Variants in NCOA3 observed in about 807,000 individuals in gnomAD.
NCOA3 encodes the protein nuclear receptor coactivator 3, also known as CBP-interacting protein.
In NCOA3, 51 loss-of-function variants were observed where a neutral mutation model predicts 158.8. That is an observed-to-expected ratio of 0.32 (90% CI 0.26 to 0.41). The LOEUF is 0.41. NCOA3 is among the 10% of genes least tolerant of loss of function. The pLI is 1.00. For synonymous variants in NCOA3, 537 were observed against 592.4 expected (o/e 0.91, Z 1.36); for missense variants, 1,510 against 1,746.6 (o/e 0.86, Z 2.41).
chr20:47,634,242 C>A (rs2086472326), intron 10 of NCOA3, 47 bp downstream of exon 10: 2 of 1,539,706 alleles, frequency 1.3e-6, no homozygotes, highest in Non-Finnish European at 8.8e-7. Context: ...CAGCAGTGTT[C>A]TCAAAATGCT....
Position 47,651,071 on chromosome 20 carries a change from G to GCAGCAGCAGCAACAGCAGCAA in NCOA3, c.3752_3753insACAGCAGCAACAGCAGCAGCA (p.Gln1270_Gln1276dup), listed in dbSNP as rs758398256. ...GACAACAGAGGGTGGCTATGATGAT[G>GCAGCAGCAGCAACAGCAGCAA]CAGCAGCAGCAGCAGCAGCAACAGC... On this transcript the variant is annotated inframe_insertion, in exon 20 of 23. Coordinates refer to ENST00000371998, the MANE Select transcript of NCOA3 (RefSeq NM_181659.3). 7.2e-6 allele frequency: 9 copies of GCAGCAGCAGCAACAGCAGCAA among 1,253,544 alleles called. No homozygotes were observed. In the South Asian group the frequency reaches 8.0e-5, roughly 11 times the overall value. 77.7% of individuals were successfully genotyped at this position (1,253,544 alleles called of 1,614,324 possible). A position where few individuals can be genotyped will look rare whatever the true frequency, so the allele number is the denominator to read the frequency against.
chr20:47,502,618 T>C (rs2146033363), intron 1 of NCOA3, among the ~76,000 whole-genome samples: 1 of 152,206 alleles, frequency 6.6e-6, no homozygotes, highest in Non-Finnish European at 1.5e-5. Flanking sequence ...AAAAAGGCGT[T>C]TTACTACCTC....
intron 3 of NCOA3, among the ~76,000 whole-genome samples, chr20:47,623,603 C>T (rs532540035): frequency 6.6e-6 from 1 of 152,002 alleles, no homozygotes; most frequent in East Asian, 1.9e-4. Flanking sequence ...GCCTGACCAA[C>T]ATGGTGAAAC....
intron 1 of NCOA3, among the ~76,000 whole-genome samples, chr20:47,553,967 TCG>T (rs745511266): frequency 1.3e-5 from 2 of 152,220 alleles, no homozygotes; most frequent in Non-Finnish European, 2.9e-5. Context: ...CCCTGAGGAA[TCG>T]CCACACCGAC....
At chr20:47,631,153 A>G (rs1449477381) in intron 8 of NCOA3, 4 of 152,252 alleles carry the variant, frequency 2.6e-5, no homozygotes, top group Admixed American at 6.5e-5. Context: ...AAGACCAGCC[A>G]TGGAAGCTGG....
chr20:47,638,133 TA>T (rs2086546518), intron 13 of NCOA3, among the ~76,000 whole-genome samples: 1 of 152,220 alleles, frequency 6.6e-6, no homozygotes, highest in African/African-American at 2.4e-5. Context: ...GACTCTAGAT[TA>T]AAACCTGTCC....
At chr20:47,510,158 A>C (rs6125035) in intron 1 of NCOA3, among the ~76,000 whole-genome samples, 128,491 of 151,988 alleles carry the variant, frequency 0.85, 55,351 homozygotes, top group Non-Finnish European at 0.91. Flanking sequence ...CATGGCCAGG[A>C]GTGGTGGTTC....
At chr20:47,564,183 T>C (rs950621437) in intron 1 of NCOA3, among the ~76,000 whole-genome samples, 1 of 151,830 alleles carries the variant, frequency 6.6e-6, no homozygotes, top group African/African-American at 2.4e-5. Flanking sequence ...TGCACCTTTC[T>C]CCGTTTTTTT....
chr20:47,626,852 C>A, intron 5 of NCOA3, 150 bp from the exon 6 acceptor site: 1 of 608,380 alleles, frequency 1.6e-6, no homozygotes, highest in Non-Finnish European at 2.7e-6. Flanking sequence ...AGGGTCCCCA[C>A]CGTTATGACC....
At chr20:47,525,453 C>T (rs2084414730) in intron 1 of NCOA3, among the ~76,000 whole-genome samples, 1 of 151,118 alleles carries the variant, frequency 6.6e-6, no homozygotes, top group Non-Finnish European at 1.5e-5. Flanking sequence ...GTTGGGTACA[C>T]CTCCCAGACG....
intron 1 of NCOA3, among the ~76,000 whole-genome samples, chr20:47,512,708 A>G (rs911132845): frequency 1.3e-5 from 2 of 152,220 alleles, no homozygotes; most frequent in Non-Finnish European, 2.9e-5. Flanking sequence ...AGATACCACT[A>G]TACACTCACT....
In NCOA3 at chr20:47,636,443, A is replaced by C; in HGVS notation, c.2057A>C (p.His686Pro). 6.2e-7 allele frequency: 1 copy of C among 1,614,188 alleles called. No homozygotes were observed. The highest frequency in any genetic ancestry group is 8.5e-7 in the Non-Finnish European group (1 of 1,180,032). ...SLLQEKHRIL[H>P]KLLQNGNSPA... ...TTACAAGAGAAGCACCGGATTTTGC[A>C]CAAGTTGCTGCAGAATGGGAATTCA... The change falls in exon 12 of 23, where the codon CAC (histidine) becomes CCC (proline). Residue 686 changes from histidine to proline, a missense_variant. His to Pro is a moderately conservative substitution (Grantham distance 77). Around this residue, in one of 4 missense-constraint regions of NCOA3, gnomAD observed 1,017 missense variants for 1,098.3 expected, o/e 0.93. Coordinates refer to ENST00000371998, the MANE Select transcript of NCOA3 (RefSeq NM_181659.3).
intron 22 of NCOA3, 36 bp from the exon 23 acceptor site, chr20:47,653,365 CTCATT>C (rs2086827533): frequency 2.1e-6 from 3 of 1,404,194 alleles, no homozygotes; most frequent in Non-Finnish European, 3.0e-6. Flanking sequence ...ATGTGTTTTA[CTCATT>C]TTTTTTTTTT....
At chr20:47,563,561 A>G (rs765734105) in intron 1 of NCOA3, among the ~76,000 whole-genome samples, 2 of 152,134 alleles carry the variant, frequency 1.3e-5, no homozygotes, top group Non-Finnish European at 1.5e-5. Flanking sequence ...GCTGGGCATG[A>G]TGGCTTATGC....
At chr20:47,611,358 C>T (rs1047170906) in intron 2 of NCOA3, among the ~76,000 whole-genome samples, 1 of 152,104 alleles carries the variant, frequency 6.6e-6, no homozygotes, top group African/African-American at 2.4e-5. Flanking sequence ...CTCTTTCTTC[C>T]TCTGCTGTTT....
Position 47,639,712 on chromosome 20 carries a change from C to G in NCOA3, c.2843C>G (p.Ser948Cys), listed in dbSNP as rs1361093831. 6.2e-7 allele frequency: 1 copy of G among 1,614,170 alleles called. No individual in the cohort carries two copies. Among genetic ancestry groups the G allele is most frequent in the Non-Finnish European group, 8.5e-7 (1 of 1,180,032 alleles). The change falls in exon 15 of 23, where the codon TCT (serine) becomes TGT (cysteine). Residue 948 changes from serine to cysteine, a missense_variant. This residue lies in a region of NCOA3 where 1,017 missense variants were observed against 1,098.3 expected (regional missense o/e 0.93). Transcript: ENST00000371998. ...MGRPGGDYNT[S>C]LPRPALGGSI... ...AGACCAGGAGGAGATTATAATACTT[C>G]TTTACCCAGACCTGCACTGGGTGGC...
chr20:47,536,387 A>C (rs1030980106), intron 1 of NCOA3, among the ~76,000 whole-genome samples: 1 of 152,118 alleles, frequency 6.6e-6, no homozygotes, highest in Non-Finnish European at 1.5e-5. Flanking sequence ...TGAGCCCCCT[A>C]TCCGGCCAGT....
chr20:47,639,274 ATAAT>A, intron 14 of NCOA3, 72 bp downstream of exon 14: 1 of 1,250,498 alleles, frequency 8.0e-7, no homozygotes, highest in Non-Finnish European at 1.1e-6. Context: ...AGCCATCTAA[ATAAT>A]TGGGAGTAAA....
rs143079118 is a variant in NCOA3 at position 47,588,215 on chromosome 20, A to G, written c.-20+4954A>G. 8.0e-3 allele frequency among the ~76,000 whole-genome samples: 1,098 copies of G among 136,500 alleles called. 15 individuals carry two copies. Among genetic ancestry groups the G allele is most frequent in the African/African-American group, 0.028 (1,010 of 36,116 alleles). The allele number at this position is 136,500 out of a possible 152,430, so 89.5% of individuals were successfully genotyped here. Reference sequence around the variant, plus strand: ...AGTGGTGCGACCTTGGCTCACTGCAACCTCTGCCTTCTGGGTTCATGGGAT... The same window carrying G: ...AGTGGTGCGACCTTGGCTCACTGCAGCCTCTGCCTTCTGGGTTCATGGGAT... On this transcript the variant is annotated intron_variant, in intron 2 of 22. Transcript: ENST00000371998.
Sources: gnomAD v4.1 joint callset for allele counts (sites outside exome capture counted in the v4.1 genomes callset) on GRCh38, gnomAD v4.1.1 for gene constraint, gnomAD v4.1.1 regional missense constraint, MANE v1.5 for transcripts, NCBI Gene and HGNC (gene_info 2026-07-23, HGNC 2026-07-21) for gene names.